Variants in CSK observed in about 807,000 individuals in gnomAD.
The protein encoded by CSK is C-terminal Src kinase, also known as tyrosine-protein kinase CSK.
A neutral mutation model predicts 62.3 loss-of-function variants in CSK; 7 were observed. The ratio of observed to expected loss-of-function variants is 0.11; its 90% confidence interval spans 0.06 to 0.21. CSK has a LOEUF of 0.21. Among genes scored for constraint, CSK ranks in the 10% least tolerant of loss-of-function variants. The probability of loss-of-function intolerance (pLI) is 1.00; values close to 1 mark genes in which losing one functional copy is unlikely to be tolerated. For missense variants in CSK, 294 were observed against 613.5 expected (o/e 0.48, Z 5.50); for synonymous variants, 237 against 246.0 (o/e 0.96, Z 0.34).
At chr15:74,801,144 C>A (rs942338674) in intron 9 of CSK, 42 bp downstream of exon 9, 4 of 1,605,882 alleles carry the variant, frequency 2.5e-6, no homozygotes, top group African/African-American at 1.3e-5. Flanking sequence ...CTTCCAACTG[C>A]CCCGAAACCC....
At chr15:74,801,466 TGA>T in intron 9 of CSK, 54 bp from the exon 10 acceptor site, 1 of 1,552,168 alleles carries the variant, frequency 6.4e-7, no homozygotes, top group Non-Finnish European at 8.8e-7. Context: ...GCGTGCTGTG[TGA>T]GAGGGCTGCA....
intron 1 of CSK, among the ~76,000 whole-genome samples, chr15:74,790,488 G>A (rs1437742795): frequency 2.0e-5 from 3 of 152,194 alleles, no homozygotes; most frequent in South Asian, 2.1e-4. Flanking sequence ...TGACCTCAGC[G>A]CTTGGGCACA....
chr15:74,802,531 G>C lies in CSK; in HGVS notation c.*18G>C. On this transcript the variant is annotated 3_prime_UTR_variant, in exon 13 of 13. Transcript: ENST00000220003. ...ACCTGTGACGGCTGGCCTCCGCCTG[G>C]GTCATGGGCCTGTGGGGACTGAACC... 1 of 1,611,176 alleles carries C rather than the reference G, an allele frequency of 6.2e-7. No individual in the cohort carries two copies. Among genetic ancestry groups the C allele is most frequent in the South Asian group, 1.1e-5 (1 of 90,920 alleles).
intron 1 of CSK, among the ~76,000 whole-genome samples, chr15:74,785,337 C>T (rs1307815621): frequency 6.6e-6 from 1 of 152,160 alleles, no homozygotes; most frequent in African/African-American, 2.4e-5. Flanking sequence ...GCGCCATCAC[C>T]CATACACTGG....
intron 4 of CSK, 70 bp downstream of exon 4, chr15:74,799,008 C>T (rs1264173737): frequency 1.5e-6 from 2 of 1,352,852 alleles, no homozygotes; most frequent in Non-Finnish European, 9.8e-7. Flanking sequence ...CAGGAGCAAG[C>T]AGGGAGGCCA....
intron 1 of CSK, among the ~76,000 whole-genome samples, chr15:74,786,016 TGTGTGTGTGTG>T (rs2063516184): frequency 8.0e-6 from 1 of 124,332 alleles, no homozygotes; most frequent in African/African-American, 2.8e-5. Flanking sequence ...TTTTTTTTTG[TGTGTGTGTGTG>T]TGTGTGTGTG....
intron 1 of CSK, among the ~76,000 whole-genome samples, chr15:74,789,195 G>C (rs2141789043): frequency 6.6e-6 from 1 of 152,346 alleles, no homozygotes; most frequent in Middle Eastern, 3.4e-3. Flanking sequence ...CTTAGGTCAG[G>C]GTGCTGACGG....
intron 1 of CSK, among the ~76,000 whole-genome samples, chr15:74,795,257 C>G (rs906910426): frequency 6.6e-6 from 1 of 152,198 alleles, no homozygotes; most frequent in Non-Finnish European, 1.5e-5. Flanking sequence ...GTGCCTACTT[C>G]ACACCCCCAG....
intron 1 of CSK, among the ~76,000 whole-genome samples, chr15:74,791,478 G>A (rs976031145): frequency 7.2e-5 from 11 of 152,036 alleles, no homozygotes; most frequent in African/African-American, 1.2e-4. Flanking sequence ...GAACTTTAGC[G>A]TGTATCTCTT....
intron 1 of CSK, chr15:74,791,086 T>C (rs746295847): frequency 2.0e-5 from 3 of 152,348 alleles, no homozygotes; most frequent in Non-Finnish European, 2.9e-5. Flanking sequence ...AAGTTTCTCT[T>C]GAACTTGATC....
intron 5 of CSK, 143 bp downstream of exon 5, chr15:74,799,634 A>G: frequency 1.2e-6 from 1 of 835,836 alleles, no homozygotes; most frequent in Non-Finnish European, 1.9e-6. Flanking sequence ...GTTTCCTCAC[A>G]CCTTGGTGGA....
rs536570468 is a variant in CSK at position 74,800,878 on chromosome 15, C to T, written c.678C>T (p.Asn226=). The part of the protein sequence containing the change: ...GNKVAVKCIK[N]DATAQAFLAE... ...AAGTCGCCGTCAAGTGCATTAAGAACGACGCCACTGCCCAGGCCTTCCTGG... is the reference window on the plus strand; with the variant it reads ...AAGTCGCCGTCAAGTGCATTAAGAATGACGCCACTGCCCAGGCCTTCCTGG... The change falls in exon 8 of 13, where the codon AAC becomes AAT. Residue 226 remains asparagine (N), a synonymous_variant. Coordinates refer to ENST00000220003, the MANE Select transcript of CSK (RefSeq NM_004383.3). 1.2e-5 allele frequency: 19 copies of T among 1,613,244 alleles called. No homozygotes were observed. In the African/African-American group the frequency reaches 1.5e-4, roughly 12 times the overall value.
intron 1 of CSK, among the ~76,000 whole-genome samples, chr15:74,791,411 G>A (rs1308730830): frequency 1.3e-5 from 2 of 152,140 alleles, no homozygotes; most frequent in African/African-American, 4.8e-5. Context: ...ACATATGTGT[G>A]TATGTATTTT....
In CSK at chr15:74,798,311, A is replaced by T; in HGVS notation, c.14A>T (p.Gln5Leu). Reference sequence around the variant, plus strand: ...GCTCCTGAGAAGATGTCAGCAATACAGGTACCACAGGGGTGAGGGTCTGGG... The same window carrying T: ...GCTCCTGAGAAGATGTCAGCAATACTGGTACCACAGGGGTGAGGGTCTGGG... The part of the protein sequence containing the change: MSAI[Q>L]AAWPSGTECI... The change falls in exon 2 of 13, where the codon CAG (glutamine) becomes CTG (leucine). Residue 5 changes from glutamine to leucine, a missense_variant and splice_region_variant. Transcript: ENST00000220003. This position sits in a 1 kb window ranked among gnomAD's most constrained non-coding sequence, Gnocchi z 6.6. The T allele has an allele frequency of 6.3e-7, 1 of 1,580,426 alleles. No individual in the cohort carries two copies. The highest frequency in any genetic ancestry group is 1.2e-5 in the South Asian group (1 of 85,580).
At chr15:74,794,518 G>A (rs2063676310) in intron 1 of CSK, among the ~76,000 whole-genome samples, 1 of 152,188 alleles carries the variant, frequency 6.6e-6, no homozygotes, top group African/African-American at 2.4e-5. Flanking sequence ...CAGCAGGATT[G>A]ATGGCCTGGC....
At chr15:74,797,536 G>C (rs923478751) in intron 1 of CSK, among the ~76,000 whole-genome samples, 6 of 152,142 alleles carry the variant, frequency 3.9e-5, no homozygotes, top group Admixed American at 1.3e-4. Context: ...AAAAAGAAAA[G>C]AAAAGAAATT....
At chr15:74,792,094 C>A (rs35408600) in intron 1 of CSK, among the ~76,000 whole-genome samples, 3,280 of 152,234 alleles carry the variant, frequency 0.022, 55 homozygotes, top group East Asian at 0.071. Context: ...TCCCCTGGCC[C>A]CATCACAGCT....
intron 6 of CSK, 78 bp downstream of exon 6, chr15:74,800,583 A>G (rs1264607341): frequency 6.4e-7 from 1 of 1,553,120 alleles, no homozygotes; most frequent in African/African-American, 1.4e-5. Context: ...CCATCCAGGA[A>G]CCTCCAGAGA....
At chr15:74,794,003 G>A (rs2063664860) in intron 1 of CSK, among the ~76,000 whole-genome samples, 1 of 152,138 alleles carries the variant, frequency 6.6e-6, no homozygotes, top group Non-Finnish European at 1.5e-5. Flanking sequence ...TGTGACTTCA[G>A]GCAAATTGTT....
Sources: gnomAD v4.1 joint callset for allele counts (sites outside exome capture counted in the v4.1 genomes callset) on GRCh38, gnomAD v4.1.1 for gene constraint, Gnocchi (gnomAD v3.1) non-coding constraint, MANE v1.5 for transcripts, NCBI Gene and HGNC (gene_info 2026-07-23, HGNC 2026-07-21) for gene names.